Variants in FUT9 observed in about 807,000 individuals in gnomAD.
The protein encoded by FUT9 is 4-galactosyl-N-acetylglucosaminide 3-alpha-L-fucosyltransferase 9.
In FUT9, 15 loss-of-function variants were observed where a neutral mutation model predicts 29.7. That is an observed-to-expected ratio of 0.51 (90% CI 0.34 to 0.78). The LOEUF is 0.78. FUT9 is among the 30% of genes least tolerant of loss of function. The pLI, the probability that FUT9 is intolerant of heterozygous loss-of-function variation, is 0.01. For missense variants in FUT9, 319 were observed against 425.4 expected, an observed-to-expected ratio of 0.75 and a Z score of 2.20; for synonymous variants, 169 against 153.7, an observed-to-expected ratio of 1.10 and a Z score of -0.74.
At chr6:96,037,284 C>T (rs1356831996) in intron 1 of FUT9, 3 of 151,970 alleles carry the variant, frequency 2.0e-5, no homozygotes, top group Non-Finnish European at 4.4e-5. Flanking sequence ...AAATTATCTG[C>T]GAGGTTCACA....
At chr6:96,064,216 T>C (rs1319912227) in intron 1 of FUT9, among the ~76,000 whole-genome samples, 1 of 152,188 alleles carries the variant, frequency 6.6e-6, no homozygotes, top group Non-Finnish European at 1.5e-5. Context: ...CTATTATTAA[T>C]GTTATTACCA....
chr6:96,207,416 A>C lies in FUT9; in HGVS notation c.*3181A>C, dbSNP rs1009394896. ...TAGGGCCTATAGAATGGTACACCTCATGTAGAAGAACTTCGACTTTTGAAG... is the reference window on the plus strand; with the variant it reads ...TAGGGCCTATAGAATGGTACACCTCCTGTAGAAGAACTTCGACTTTTGAAG... On this transcript the variant is annotated 3_prime_UTR_variant, in exon 3 of 3. Coordinates refer to ENST00000302103, the MANE Select transcript of FUT9 (RefSeq NM_006581.4). The C allele has an allele frequency of 1.2e-5, 2 of 167,078 alleles. No homozygotes were observed. The highest frequency in any genetic ancestry group is 2.9e-5 in the Non-Finnish European group (2 of 68,110). The allele number at this position is 167,078 out of a possible 1,614,324, so 10.3% of individuals were successfully genotyped here.
chr6:96,120,112 A>G (rs537200911), intron 2 of FUT9, among the ~76,000 whole-genome samples: 2 of 152,110 alleles, frequency 1.3e-5, no homozygotes, highest in South Asian at 4.1e-4. Flanking sequence ...ACCATATTTA[A>G]TGTTCAGAAT....
In FUT9 at chr6:96,133,960, T is replaced by A. The variant is rs115022198; in HGVS notation, c.-9+19833T>A. 6.6e-3 allele frequency among the ~76,000 whole-genome samples: 1,007 copies of A among 151,924 alleles called. 11 individuals carry two copies. Among genetic ancestry groups the A allele is most frequent in the African/African-American group, 0.023 (959 of 41,520 alleles). ...AATAGTTAAGGTAAGTAGGCATAATTTTTTTAATGATTTCAAAGAGATATC... is the reference window on the plus strand; with the variant it reads ...AATAGTTAAGGTAAGTAGGCATAATATTTTTAATGATTTCAAAGAGATATC... On this transcript the variant is annotated intron_variant, in intron 2 of 2. Transcript: ENST00000302103.
chr6:96,134,099 A>G (rs1772302029), intron 2 of FUT9, among the ~76,000 whole-genome samples: 2 of 151,838 alleles, frequency 1.3e-5, no homozygotes, highest in Admixed American at 1.3e-4. Flanking sequence ...AAGAGAAGAT[A>G]TGTGAACAAA....
chr6:96,095,493 C>T (rs550109178), intron 1 of FUT9, among the ~76,000 whole-genome samples: 2 of 152,240 alleles, frequency 1.3e-5, no homozygotes, highest in South Asian at 4.1e-4. Flanking sequence ...TGAATTCAGA[C>T]AAAGTATCAG....
chr6:96,088,204 C>T (rs965039413), intron 1 of FUT9, among the ~76,000 whole-genome samples: 17 of 151,784 alleles, frequency 1.1e-4, no homozygotes, highest in African/African-American at 3.9e-4. Flanking sequence ...CAAACCTCCA[C>T]GTTGTGCACA....
At chr6:96,121,340 A>C (rs1340936814) in intron 2 of FUT9, among the ~76,000 whole-genome samples, 1 of 152,202 alleles carries the variant, frequency 6.6e-6, no homozygotes, top group Non-Finnish European at 1.5e-5. Context: ...AAAGATGTCA[A>C]GAAAATCTGA....
chr6:96,205,690 C>G lies in FUT9; in HGVS notation c.*1455C>G, dbSNP rs1411448462. The stretch of plus-strand genomic sequence containing the variant: ...CAAGGAAAACATTCCTCAAAATGAT[C>G]TTTAGTGCCTTTATTCCTTTCAGGC... On this transcript the variant is annotated 3_prime_UTR_variant, in exon 3 of 3. Coordinates refer to ENST00000302103, the MANE Select transcript of FUT9 (RefSeq NM_006581.4). The G allele has an allele frequency of 3.6e-5, 6 of 166,238 alleles. No individual in the cohort carries two copies. The highest frequency in any genetic ancestry group is 2.1e-4 in the South Asian group (1 of 4,834). 10.3% of individuals were successfully genotyped at this position (166,238 alleles called of 1,614,324 possible). A position where few individuals can be genotyped will look rare whatever the true frequency, so the allele number is the denominator to read the frequency against.
intron 1 of FUT9, among the ~76,000 whole-genome samples, chr6:96,033,715 C>T (rs1381651780): frequency 2.6e-5 from 4 of 151,602 alleles, no homozygotes; most frequent in African/African-American, 9.7e-5. Flanking sequence ...TGTCTTCTTT[C>T]ATAAATTTGT....
intron 1 of FUT9, among the ~76,000 whole-genome samples, chr6:96,101,139 A>G (rs1052750351): frequency 1.3e-5 from 2 of 152,226 alleles, no homozygotes; most frequent in African/African-American, 4.8e-5. Context: ...TGCCTAAGTA[A>G]TCTTTTTCAG....
intron 2 of FUT9, among the ~76,000 whole-genome samples, chr6:96,122,038 A>C (rs2127965322): frequency 6.6e-6 from 1 of 152,178 alleles, no homozygotes; most frequent in East Asian, 1.9e-4. Context: ...GGTAGCCAAG[A>C]GAATTTTAGT....
At chr6:96,135,172 AT>A (rs1469424885) in intron 2 of FUT9, among the ~76,000 whole-genome samples, 7 of 151,888 alleles carry the variant, frequency 4.6e-5, no homozygotes, top group African/African-American at 1.7e-4. Context: ...TATGGATGAT[AT>A]TTTTTTCTAT....
Position 96,203,737 on chromosome 6 carries a change from T to A in FUT9, c.582T>A (p.Ser194Arg). Residue 194 changes from serine to arginine, a missense_variant, in exon 3 of 3, where the codon AGT (serine) becomes AGA (arginine). By Grantham distance (110) the Ser-to-Arg change is moderately radical (BLOSUM62 -1). Coordinates refer to ENST00000302103, the MANE Select transcript of FUT9 (RefSeq NM_006581.4). ...AGAAATTGGTGTGCTGGGTTGTGAG[T>A]AACTGGAACCCTGAGCATGCCAGAG... The part of the protein sequence containing the change: ...SKEKLVCWVV[S>R]NWNPEHARVK... 1 of 1,614,036 alleles carries A rather than the reference T, an allele frequency of 6.2e-7. No individual in the cohort carries two copies. Among genetic ancestry groups the A allele is most frequent in the Non-Finnish European group, 8.5e-7 (1 of 1,180,010 alleles).
At chr6:96,097,221 A>G (rs1771515744) in intron 1 of FUT9, among the ~76,000 whole-genome samples, 1 of 152,234 alleles carries the variant, frequency 6.6e-6, no homozygotes, top group South Asian at 2.1e-4. Flanking sequence ...TCCCTGAGAA[A>G]AGGAGCAGTT....
chr6:96,118,415 A>G (rs1771955229), intron 2 of FUT9, among the ~76,000 whole-genome samples: 1 of 152,160 alleles, frequency 6.6e-6, no homozygotes, highest in Non-Finnish European at 1.5e-5. Flanking sequence ...ATTATAATAG[A>G]GCTAAACAAT....
In FUT9 at chr6:96,082,779, G is replaced by A. The variant is rs561562038; in HGVS notation, c.-97-31260G>A. ...ATTCAGCCTTTCCACTCAAAAACATGTTATACTTCTCCAACTCTAACTTAC... is the reference window on the plus strand; with the variant it reads ...ATTCAGCCTTTCCACTCAAAAACATATTATACTTCTCCAACTCTAACTTAC... On this transcript the variant is annotated intron_variant, in intron 1 of 2. Coordinates refer to ENST00000302103, the MANE Select transcript of FUT9 (RefSeq NM_006581.4). Among the ~76,000 whole-genome samples the A allele has an allele frequency of 1.3e-4, 19 of 151,992 alleles. No individual in the cohort carries two copies. In the South Asian group the frequency reaches 3.9e-3, roughly 32 times the overall value.
chr6:96,040,461 T>A (rs1770440030), intron 1 of FUT9, among the ~76,000 whole-genome samples: 1 of 151,980 alleles, frequency 6.6e-6, no homozygotes, highest in African/African-American at 2.4e-5. Context: ...AAGCTGGAAG[T>A]AGAAAAGGGA....
intron 1 of FUT9, among the ~76,000 whole-genome samples, chr6:96,046,307 T>G (rs1770563136): frequency 6.6e-6 from 1 of 152,264 alleles, no homozygotes; most frequent in African/African-American, 2.4e-5. Context: ...TTGATTTTTC[T>G]TATTCTTTTC....
Sources: allele counts gnomAD v4.1 joint callset (sites outside exome capture counted in the v4.1 genomes callset), GRCh38; gene constraint gnomAD v4.1.1; transcripts MANE v1.5; gene names NCBI Gene and HGNC (gene_info 2026-07-23, HGNC 2026-07-21).